The following PIKFYVE variants were observed in gnomAD, a reference collection of about 807,000 sequenced individuals.
PIKFYVE encodes phosphoinositide kinase, FYVE-type zinc finger containing.
A neutral mutation model predicts 257.9 loss-of-function variants in PIKFYVE; 122 were observed. The observed-to-expected ratio is 0.47, with a 90% CI of 0.41 to 0.55. The LOEUF is 0.55. Among genes scored for constraint, PIKFYVE ranks in the 20% least tolerant of loss-of-function variants. The pLI, the probability that PIKFYVE is intolerant of heterozygous loss-of-function variation, is 0.00. For missense variants in PIKFYVE, 2,160 were observed against 2,536.6 expected (o/e 0.85, Z 3.19); for synonymous variants, 892 against 868.9 (o/e 1.03, Z -0.47).
In PIKFYVE at chr2:208,291,205, A is replaced by G. The variant is rs576884024; in HGVS notation, c.911+2387A>G. On this transcript the variant is annotated intron_variant, in intron 7 of 41. Transcript: ENST00000264380. Reference sequence around the variant, plus strand: ...TCCTAGTTTACTGAGAGTTTTTATAATGAAGGAGTGTTGGATTTTGTCAAA... The same window carrying G: ...TCCTAGTTTACTGAGAGTTTTTATAGTGAAGGAGTGTTGGATTTTGTCAAA... Among the ~76,000 whole-genome samples the G allele has an allele frequency of 2.4e-4, 36 of 152,232 alleles. 1 individual carries two copies. Among genetic ancestry groups the G allele is most frequent in the African/African-American group, 7.7e-4 (32 of 41,556 alleles).
intron 20 of PIKFYVE, among the ~76,000 whole-genome samples, chr2:208,326,668 G>A (rs1696959417): frequency 6.6e-6 from 1 of 152,174 alleles, no homozygotes; most frequent in Admixed American, 6.5e-5. Flanking sequence ...TAATAAGCTA[G>A]GAAGATCCCT....
chr2:208,346,645 G>T (rs1378606543), intron 34 of PIKFYVE, among the ~76,000 whole-genome samples: 1 of 152,164 alleles, frequency 6.6e-6, no homozygotes, highest in Admixed American at 6.5e-5. Flanking sequence ...GCTGGGATTT[G>T]AATTTGTGTT....
intron 8 of PIKFYVE, among the ~76,000 whole-genome samples, chr2:208,299,008 T>G (rs1383983419): frequency 6.6e-6 from 1 of 151,250 alleles, no homozygotes; most frequent in East Asian, 2.0e-4. Flanking sequence ...ACACCTAATT[T>G]TTTGTATTTT....
chr2:208,325,903 T>G lies in PIKFYVE; in HGVS notation c.3092T>G (p.Val1031Gly). 1 of 1,614,094 alleles carries G rather than the reference T, an allele frequency of 6.2e-7. No homozygotes were observed. The highest frequency in any genetic ancestry group is 8.5e-7 in the Non-Finnish European group (1 of 1,179,978). ...ACTGGATTATATGTTACTGAGGAAG[T>G]CACCTCCTCTGAAGATAAACGAAAG... ...DDTGLYVTEEVTSSEDKRKTY... is the reference protein window; with the variant it reads ...DDTGLYVTEEGTSSEDKRKTY... The change falls in exon 20 of 42, where the codon GTC becomes GGC. Residue 1031 changes from valine (V) to glycine (G), a missense_variant. Physicochemically the swap from Val to Gly is moderately radical, Grantham distance 109. Coordinates refer to ENST00000264380, the MANE Select transcript of PIKFYVE (RefSeq NM_015040.4).
Position 208,321,007 on chromosome 2 carries a change from A to C in PIKFYVE, c.2190+648A>C, listed in dbSNP as rs369069715. On this transcript the variant is annotated intron_variant, in intron 17 of 41. Coordinates refer to ENST00000264380, the MANE Select transcript of PIKFYVE (RefSeq NM_015040.4). Reference sequence around the variant, plus strand: ...GCTCCATTTCTAGTTGTAGCGTTGCAATAGTTTTTGTGCATTTAATTTTAC... The same window carrying C: ...GCTCCATTTCTAGTTGTAGCGTTGCCATAGTTTTTGTGCATTTAATTTTAC... 8.9e-4 allele frequency among the ~76,000 whole-genome samples: 135 copies of C among 152,280 alleles called. 6 individuals carry two copies. In the South Asian group the frequency reaches 0.028, roughly 31 times the overall value.
chr2:208,310,436 C>T lies in PIKFYVE; in HGVS notation c.1637-1800C>T, dbSNP rs1343354849. On this transcript the variant is annotated intron_variant, in intron 12 of 41. Transcript: ENST00000264380. ...TGAGAAAACCCTATTTTCAGAAGCT[C>T]GTAAAACTGGCTTAATTTTTCATTA... Among the ~76,000 whole-genome samples, 15 of 152,052 alleles carry T rather than the reference C, an allele frequency of 9.9e-5. 1 individual carries two copies. Among genetic ancestry groups the T allele is most frequent in the Admixed American group, 6.6e-4 (10 of 15,260 alleles).
rs1699202068 is a variant in PIKFYVE at position 208,346,056 on chromosome 2, A to G, written c.5118A>G (p.Ser1706=). The change falls in exon 34 of 42, where the codon TCA becomes TCG. Residue 1706 remains serine (S), a synonymous_variant. Transcript: ENST00000264380. ...AEEGLPTNST[S]DSRPKSSSPI... is the part of the protein sequence containing the mutation. Reference sequence around the variant, plus strand: ...TTTTTTCTTTTCATTTTAGTACTTCAGATAGCAGACCAAAGAGTAGCAGCC... The same window carrying G: ...TTTTTTCTTTTCATTTTAGTACTTCGGATAGCAGACCAAAGAGTAGCAGCC... The G allele has an allele frequency of 6.2e-7, 1 of 1,611,568 alleles. No individual in the cohort carries two copies. The highest frequency in any genetic ancestry group is 1.3e-5 in the African/African-American group (1 of 74,814).
intron 1 of PIKFYVE, among the ~76,000 whole-genome samples, chr2:208,267,335 A>G (rs1329737499): frequency 6.6e-6 from 1 of 151,986 alleles, no homozygotes. Flanking sequence ...TGTAGGTTAA[A>G]TCTCTTCTGT....
Position 208,326,286 on chromosome 2 carries a change from G to A in PIKFYVE, c.3475G>A (p.Gly1159Arg), listed in dbSNP as rs751050961. Residue 1159 changes from glycine to arginine, a missense_variant, in exon 20 of 42, where the codon GGA becomes AGA. Around this residue, in one of 12 missense-constraint regions of PIKFYVE, gnomAD observed 522 missense variants for 514.6 expected, o/e 1.01. Coordinates refer to ENST00000264380, the MANE Select transcript of PIKFYVE (RefSeq NM_015040.4). ...AATGCTGGCCGATTATCGAGCCAGAGGAGGAAGAATTCAGCCCAAAAATTC... is the reference window on the plus strand; with the variant it reads ...AATGCTGGCCGATTATCGAGCCAGAAGAGGAAGAATTCAGCCCAAAAATTC... ...GRMLADYRAR[G>R]GRIQPKNSDP... The A allele has an allele frequency of 1.3e-6, 2 of 1,599,932 alleles. No homozygotes were observed. The highest frequency in any genetic ancestry group is 2.2e-5 in the East Asian group (1 of 44,754).
chr2:208,290,296 C>T (rs1692140198), intron 7 of PIKFYVE, among the ~76,000 whole-genome samples: 1 of 152,222 alleles, frequency 6.6e-6, no homozygotes, highest in Non-Finnish European at 1.5e-5. Context: ...CTCTCCCCAA[C>T]CCATGACAAT....
At chr2:208,318,000 C>T in intron 16 of PIKFYVE, 59 bp downstream of exon 16, 4 of 1,478,440 alleles carry the variant, frequency 2.7e-6, no homozygotes, top group Non-Finnish European at 3.8e-6. Flanking sequence ...GCTTAGGTAA[C>T]AAGTTGGGGC....
At chr2:208,281,592 T>G (rs1457330971) in intron 5 of PIKFYVE, among the ~76,000 whole-genome samples, 1 of 151,726 alleles carries the variant, frequency 6.6e-6, no homozygotes, top group Non-Finnish European at 1.5e-5. Flanking sequence ...CAAAGAGGAG[T>G]AGTAGGAGTA....
At chr2:208,304,063 A>C (rs549170517) in intron 10 of PIKFYVE, 108 bp from the exon 11 acceptor site, 250 of 1,326,858 alleles carry the variant, frequency 1.9e-4, no homozygotes, top group Non-Finnish European at 3.3e-5. Flanking sequence ...ATAAAATTCA[A>C]TTGTTAGGTT....
At chr2:208,346,323 C>G (rs553650852) in intron 34 of PIKFYVE, among the ~76,000 whole-genome samples, 176 bp downstream of exon 34, 1 of 152,084 alleles carries the variant, frequency 6.6e-6, no homozygotes. Flanking sequence ...TGCTTTTCTT[C>G]GTTGATTCTT....
intron 30 of PIKFYVE, 105 bp from the exon 31 acceptor site, chr2:208,339,906 G>C: frequency 7.8e-7 from 1 of 1,287,200 alleles, no homozygotes; most frequent in East Asian, 2.5e-5. Context: ...TATTGGTATA[G>C]TATACATATG....
At chr2:208,298,950 C>G (rs1053377990) in intron 8 of PIKFYVE, among the ~76,000 whole-genome samples, 171 bp downstream of exon 8, 2 of 152,054 alleles carry the variant, frequency 1.3e-5, no homozygotes, top group African/African-American at 4.8e-5. Flanking sequence ...TCAAGCGATT[C>G]TGGTGCCTTA....
chr2:208,336,403 C>G (rs1698142891), intron 27 of PIKFYVE, among the ~76,000 whole-genome samples: 1 of 152,034 alleles, frequency 6.6e-6, no homozygotes, highest in African/African-American at 2.4e-5. Flanking sequence ...GATGTAAAAA[C>G]CAAAGAGGAG....
chr2:208,336,318 C>G, intron 27 of PIKFYVE, 118 bp downstream of exon 27: 1 of 1,167,420 alleles, frequency 8.6e-7, no homozygotes, highest in Non-Finnish European at 1.2e-6. Flanking sequence ...AGTTAAAGAG[C>G]CTTTTGTTTC....
Position 208,350,958 on chromosome 2 carries a change from C to T in PIKFYVE, c.5611+11C>T. ...TCTATGCAACTGAGGGTGAGCCTTT[C>T]TCATCGTTTATTGATTGGTTCAGTA... On this transcript the variant is annotated intron_variant, in intron 37 of 41. Coordinates refer to ENST00000264380, the MANE Select transcript of PIKFYVE (RefSeq NM_015040.4). The T allele has an allele frequency of 6.2e-7, 1 of 1,614,056 alleles. No individual in the cohort carries two copies. The highest frequency in any genetic ancestry group is 1.1e-5 in the South Asian group (1 of 91,076).
Sources: gnomAD v4.1 joint callset for allele counts (sites outside exome capture counted in the v4.1 genomes callset) on GRCh38, gnomAD v4.1.1 for gene constraint, gnomAD v4.1.1 regional missense constraint, MANE v1.5 for transcripts, NCBI Gene and HGNC (gene_info 2026-07-23, HGNC 2026-07-21) for gene names.